Variants in CTNNBL1 observed in about 807,000 individuals in gnomAD.
The protein encoded by CTNNBL1 is catenin beta like 1, also known as beta-catenin-like protein 1.
In CTNNBL1, 31 loss-of-function variants were observed where a neutral mutation model predicts 72.7. The ratio of observed to expected loss-of-function variants is 0.43; its 90% CI spans 0.32 to 0.58. The LOEUF (loss-of-function observed/expected upper bound fraction) is 0.58. CTNNBL1 is among the 20% of genes least tolerant of loss of function. The pLI is 0.08. For missense variants in CTNNBL1, 534 were observed against 725.1 expected, an observed-to-expected ratio of 0.74 and a Z score of 3.03; for synonymous variants, 240 against 267.3, an observed-to-expected ratio of 0.90 and a Z score of 1.00.
chr20:37,734,381 G>A (rs948353918), intron 2 of CTNNBL1, among the ~76,000 whole-genome samples: 3 of 152,216 alleles, frequency 2.0e-5, no homozygotes, highest in African/African-American at 7.2e-5. Flanking sequence ...AACAGTGTGT[G>A]TAGCACATCC....
intron 3 of CTNNBL1, among the ~76,000 whole-genome samples, chr20:37,746,036 G>A (rs2073259022): frequency 6.6e-6 from 1 of 152,204 alleles, no homozygotes; most frequent in African/African-American, 2.4e-5. Flanking sequence ...ATCTTCTTTG[G>A]TAAGGGGAAT....
At chr20:37,753,079 C>T (rs867685154) in intron 4 of CTNNBL1, among the ~76,000 whole-genome samples, 15 of 152,088 alleles carry the variant, frequency 9.9e-5, no homozygotes, top group Non-Finnish European at 1.9e-4. Flanking sequence ...AGTTTTGATT[C>T]TCATTCCTCT....
chr20:37,694,160 G>C lies in CTNNBL1; in HGVS notation c.30+8G>C. On this transcript the variant is annotated splice_region_variant and intron_variant, in intron 1 of 15. Coordinates refer to ENST00000361383, the MANE Select transcript of CTNNBL1 (RefSeq NM_030877.5). Reference sequence around the variant, plus strand: ...GAACTTCTGAGCTACCAGGTATGAGGGGCAGGGAGGGCCGAGCGACCGCGT... The same window carrying C: ...GAACTTCTGAGCTACCAGGTATGAGCGGCAGGGAGGGCCGAGCGACCGCGT... 6.3e-7 allele frequency: 1 copy of C among 1,588,204 alleles called. No individual in the cohort carries two copies.
chr20:37,820,582 G>A (rs985226691), intron 11 of CTNNBL1, among the ~76,000 whole-genome samples: 1 of 152,120 alleles, frequency 6.6e-6, no homozygotes, highest in Non-Finnish European at 1.5e-5. Context: ...GGATCTTGGG[G>A]CCAGTTTCCC....
chr20:37,772,769 C>G (rs950290978), intron 7 of CTNNBL1, among the ~76,000 whole-genome samples: 2 of 152,146 alleles, frequency 1.3e-5, no homozygotes, highest in African/African-American at 4.8e-5. Flanking sequence ...CTGATCATCT[C>G]ATATTTATTC....
chr20:37,735,203 C>T (rs942792873), intron 2 of CTNNBL1, among the ~76,000 whole-genome samples: 1 of 152,088 alleles, frequency 6.6e-6, no homozygotes, highest in African/African-American at 2.4e-5. Flanking sequence ...TTTCATTCAT[C>T]CCCTTCCTTC....
chr20:37,860,468 G>A, intron 15 of CTNNBL1, 124 bp downstream of exon 15: 2 of 780,728 alleles, frequency 2.6e-6, no homozygotes, highest in Non-Finnish European at 4.4e-6. Flanking sequence ...TTAAGTTGTT[G>A]TCCATTTCAC....
At chr20:37,726,422 A>G (rs186775288) in intron 1 of CTNNBL1, among the ~76,000 whole-genome samples, 124 of 152,344 alleles carry the variant, frequency 8.1e-4, no homozygotes, top group Admixed American at 5.4e-3. Flanking sequence ...GAAAAGCACT[A>G]TATTGGGATT....
chr20:37,870,011 T>TG (rs2072569094), intron 15 of CTNNBL1, among the ~76,000 whole-genome samples: 5 of 110,276 alleles, frequency 4.5e-5, no homozygotes, highest in Admixed American at 9.3e-5. Context: ...CGCCATCTCC[T>TG]AAAAAAAAAA....
At chr20:37,732,810 G>A (rs2073140454) in intron 1 of CTNNBL1, 69 bp from the exon 2 acceptor site, 3 of 1,463,572 alleles carry the variant, frequency 2.0e-6, no homozygotes, top group African/African-American at 1.4e-5. Flanking sequence ...TGGGATTATA[G>A]GCATGAGCCA....
At chr20:37,728,892 C>A (rs1444722424) in intron 1 of CTNNBL1, among the ~76,000 whole-genome samples, 6 of 152,124 alleles carry the variant, frequency 3.9e-5, no homozygotes, top group Non-Finnish European at 8.8e-5. Flanking sequence ...AGGTAACCCT[C>A]TTAGGGATGG....
intron 15 of CTNNBL1, among the ~76,000 whole-genome samples, chr20:37,869,932 C>G (rs1338491588): frequency 6.6e-6 from 1 of 151,840 alleles, no homozygotes; most frequent in African/African-American, 2.4e-5. Context: ...CCCCCTTCCC[C>G]TCCCACCAGA....
At chr20:37,772,683 G>A in intron 7 of CTNNBL1, among the ~76,000 whole-genome samples, 1 of 152,146 alleles carries the variant, frequency 6.6e-6, no homozygotes. Flanking sequence ...AGATGATTCT[G>A]ATGTAAGCTG....
At chr20:37,725,052 C>T (rs773413078) in intron 1 of CTNNBL1, among the ~76,000 whole-genome samples, 2 of 151,168 alleles carry the variant, frequency 1.3e-5, no homozygotes, top group African/African-American at 4.9e-5. Context: ...ACTACAGGTG[C>T]GTGCCATTAT....
intron 3 of CTNNBL1, among the ~76,000 whole-genome samples, chr20:37,743,415 A>C (rs1406468831): frequency 6.6e-6 from 1 of 152,104 alleles, no homozygotes; most frequent in Admixed American, 6.5e-5. Context: ...CTAAAAAAAT[A>C]ATCTATTTGC....
chr20:37,843,063 G>T (rs551653928), intron 13 of CTNNBL1, among the ~76,000 whole-genome samples: 1 of 152,138 alleles, frequency 6.6e-6, no homozygotes, highest in Non-Finnish European at 1.5e-5. Context: ...ACCTCCTTCC[G>T]TTTTGTTCTC....
chr20:37,696,008 A>G (rs945110038), intron 1 of CTNNBL1, among the ~76,000 whole-genome samples: 2 of 152,372 alleles, frequency 1.3e-5, no homozygotes, highest in East Asian at 3.9e-4. Flanking sequence ...GTGAAAGATG[A>G]AGGGAAATAG....
chr20:37,816,634 G>A (rs775563786), intron 11 of CTNNBL1, among the ~76,000 whole-genome samples: 1 of 152,106 alleles, frequency 6.6e-6, no homozygotes, highest in Non-Finnish European at 1.5e-5. Context: ...TACATTCATT[G>A]TTTTTCCCGT....
chr20:37,862,674 C>T (rs1050119461), intron 15 of CTNNBL1, among the ~76,000 whole-genome samples: 3 of 152,030 alleles, frequency 2.0e-5, no homozygotes, highest in African/African-American at 7.3e-5. Flanking sequence ...TCATTCCCAC[C>T]CCTCTGTTTT....
Sources: allele counts gnomAD v4.1 joint callset (sites outside exome capture counted in the v4.1 genomes callset), GRCh38; gene constraint gnomAD v4.1.1; transcripts MANE v1.5; gene names NCBI Gene and HGNC (gene_info 2026-07-23, HGNC 2026-07-21).